CTNNAL1: variants seen among roughly 807,000 people sequenced by gnomAD.
CTNNAL1 encodes the protein catenin alpha like 1.
CTNNAL1 carries 69 observed loss-of-function variants against 93.6 expected under a neutral mutation model. That is an observed-to-expected ratio of 0.74 (90% confidence interval 0.61 to 0.90). The LOEUF is 0.90. CTNNAL1 is among the 40% of genes least tolerant of loss of function. The pLI is 0.00. For synonymous variants in CTNNAL1, 286 were observed against 305.4 expected (o/e 0.94, Z 0.66); for missense variants, 836 against 862.0 (o/e 0.97, Z 0.38).
intron 1 of CTNNAL1, among the ~76,000 whole-genome samples, chr9:109,004,760 C>G (rs72607160): frequency 1.3e-5 from 2 of 150,842 alleles, no homozygotes; most frequent in East Asian, 1.9e-4. Context: ...CACTCCAGCC[C>G]GGGTGACAGA....
chr9:109,004,501 G>C (rs1457127795), intron 1 of CTNNAL1, among the ~76,000 whole-genome samples: 1 of 152,110 alleles, frequency 6.6e-6, no homozygotes, highest in East Asian at 1.9e-4. Flanking sequence ...TTAGTAAGAA[G>C]AGTTGGCTGG....
intron 1 of CTNNAL1, among the ~76,000 whole-genome samples, chr9:109,005,866 G>T (rs1827009653): frequency 6.6e-6 from 1 of 152,158 alleles, no homozygotes; most frequent in African/African-American, 2.4e-5. Context: ...GCCTTCCCCA[G>T]TGCATAATTA....
chr9:108,987,169 G>GT (rs1831636312), intron 4 of CTNNAL1, among the ~76,000 whole-genome samples: 1 of 152,000 alleles, frequency 6.6e-6, no homozygotes, highest in African/African-American at 2.4e-5. Context: ...TAGGTCTAAC[G>GT]TTTAAGTCTT....
intron 1 of CTNNAL1, among the ~76,000 whole-genome samples, chr9:109,009,747 G>A (rs1827152959): frequency 6.6e-6 from 1 of 152,126 alleles, no homozygotes; most frequent in Admixed American, 6.5e-5. Flanking sequence ...AATTTTCATG[G>A]AAATTGCATT....
At chr9:108,985,404 G>T (rs1054223898) in intron 4 of CTNNAL1, among the ~76,000 whole-genome samples, 3 of 152,164 alleles carry the variant, frequency 2.0e-5, no homozygotes, top group African/African-American at 7.2e-5. Flanking sequence ...TTGTAAGTTA[G>T]GTTAAAGGCC....
intron 1 of CTNNAL1, 49 bp from the exon 2 acceptor site, chr9:108,999,305 T>A (rs1390163474): frequency 2.6e-6 from 4 of 1,533,444 alleles, no homozygotes; most frequent in Non-Finnish European, 3.5e-6. Context: ...CTTTTCTTTT[T>A]TAAGCTGTAT....
chr9:109,001,110 T>C (rs1826807226), intron 1 of CTNNAL1, among the ~76,000 whole-genome samples: 1 of 142,724 alleles, frequency 7.0e-6, no homozygotes, highest in Admixed American at 7.7e-5. Flanking sequence ...AGGTGGGTGT[T>C]GCAGTGAGCC....
chr9:108,992,818 T>C lies in CTNNAL1; in HGVS notation c.333A>G (p.Gly111=). ...TGTCTGTAAGTGCTGCAATTGTTTC[T>C]CCTAACAAGAAAGACGAGGGGAGAA... The part of the protein sequence containing the change: ...NIACIEAKQA[G]ETIAALTDIT... Residue 111 remains glycine, a splice_region_variant and synonymous_variant, in exon 3 of 19, where the codon GGA becomes GGG. Coordinates refer to ENST00000325551, the MANE Select transcript of CTNNAL1 (RefSeq NM_003798.4). 1 of 1,603,620 alleles carries C rather than the reference T, an allele frequency of 6.2e-7. No individual in the cohort carries two copies. Among genetic ancestry groups the C allele is most frequent in the Non-Finnish European group, 8.5e-7 (1 of 1,176,190 alleles).
At chr9:108,972,864 G>GGGGGGGGCCCC in intron 8 of CTNNAL1, 31 bp from the exon 9 acceptor site, 31 of 142,438 alleles carry the variant, frequency 2.2e-4, no homozygotes, top group Non-Finnish European at 2.7e-4. Flanking sequence ...GGGGGGGTGG[G>GGGGGGGGCCCC]AGGGTGGAGA....
chr9:108,977,397 A>C (rs1167013607), intron 7 of CTNNAL1: 1 of 156,218 alleles, frequency 6.4e-6, no homozygotes, highest in African/African-American at 2.4e-5. Flanking sequence ...CCATGCTTTC[A>C]CTCCTAACCT....
intron 8 of CTNNAL1, among the ~76,000 whole-genome samples, chr9:108,976,196 T>C (rs1831261153): frequency 6.6e-6 from 1 of 152,194 alleles, no homozygotes; most frequent in Non-Finnish European, 1.5e-5. Context: ...ACTGATCTGA[T>C]TTATGTCATT....
intron 1 of CTNNAL1, among the ~76,000 whole-genome samples, chr9:109,006,236 A>G (rs765650612): frequency 1.3e-5 from 2 of 152,246 alleles, no homozygotes; most frequent in Non-Finnish European, 2.9e-5. Context: ...TCCTTATCAT[A>G]TAAAAAATAA....
chr9:108,973,573 G>A (rs1831179510), intron 8 of CTNNAL1, among the ~76,000 whole-genome samples: 1 of 151,880 alleles, frequency 6.6e-6, no homozygotes, highest in Non-Finnish European at 1.5e-5. Context: ...AGATTAAAGG[G>A]TAACACGAAC....
chr9:108,996,128 AT>A (rs922963991), intron 2 of CTNNAL1, among the ~76,000 whole-genome samples: 14 of 150,786 alleles, frequency 9.3e-5, no homozygotes, highest in South Asian at 8.4e-4. Context: ...ACACCTGGCT[AT>A]TTTTTTTTCT....
chr9:108,969,118 A>G, intron 10 of CTNNAL1, among the ~76,000 whole-genome samples: 1 of 151,968 alleles, frequency 6.6e-6, no homozygotes, highest in Non-Finnish European at 1.5e-5. Context: ...AAAAATAAAA[A>G]AATTAGCCAG....
chr9:108,961,199 G>A (rs1830812984), intron 11 of CTNNAL1, among the ~76,000 whole-genome samples: 1 of 152,180 alleles, frequency 6.6e-6, no homozygotes, highest in Admixed American at 6.5e-5. Flanking sequence ...CAGCAGCAAA[G>A]AGAAATCAGG....
intron 12 of CTNNAL1, among the ~76,000 whole-genome samples, 186 bp from the exon 13 acceptor site, chr9:108,952,680 TGTTA>T: frequency 6.6e-6 from 1 of 152,296 alleles, no homozygotes; most frequent in Middle Eastern, 3.4e-3. Context: ...TTGAATAGGT[TGTTA>T]GTTTGAAATC....
Position 108,967,540 on chromosome 9 carries a change from G to C in CTNNAL1, c.1441-2012C>G, listed in dbSNP as rs1321570145. 2.6e-5 allele frequency among the ~76,000 whole-genome samples: 4 copies of C among 152,258 alleles called. No homozygotes were observed. The East Asian group carries it at 5.8e-4, about 22-fold the overall frequency. On this transcript the variant is annotated intron_variant, in intron 10 of 18. Coordinates refer to ENST00000325551, the MANE Select transcript of CTNNAL1 (RefSeq NM_003798.4). ...ACTCACATTATAACAAGCAGTGGGAGAGACACAATTAAAATAAATTATAAA... is the reference window on the plus strand; with the variant it reads ...ACTCACATTATAACAAGCAGTGGGACAGACACAATTAAAATAAATTATAAA...
chr9:108,977,992 A>G (rs144673251), intron 7 of CTNNAL1, among the ~76,000 whole-genome samples: 1 of 152,354 alleles, frequency 6.6e-6, no homozygotes, highest in East Asian at 1.9e-4. Context: ...AAAAAAATGA[A>G]TGAATGAAAA....
Sources: allele counts gnomAD v4.1 joint callset (sites outside exome capture counted in the v4.1 genomes callset), GRCh38; gene constraint gnomAD v4.1.1; transcripts MANE v1.5; gene names NCBI Gene and HGNC (gene_info 2026-07-23, HGNC 2026-07-21).